CHN2: variants seen among roughly 807,000 people sequenced by gnomAD.
CHN2 encodes chimerin 2, also known as beta-chimaerin.
In CHN2, 35 loss-of-function variants were observed where a neutral mutation model predicts 56.3. The ratio of observed to expected loss-of-function variants is 0.62; its 90% confidence interval spans 0.47 to 0.82. The LOEUF (loss-of-function observed/expected upper bound fraction) is 0.82. CHN2 is among the 40% of genes least tolerant of loss of function. CHN2 has a pLI of 0.00. For synonymous variants in CHN2, 210 were observed against 212.8 expected (o/e 0.99, Z 0.12); for missense variants, 491 against 580.5 (o/e 0.85, Z 1.58).
At chr7:29,175,454 G>T (rs1353715701) in intron 2 of CHN2, among the ~76,000 whole-genome samples, 2 of 152,104 alleles carry the variant, frequency 1.3e-5, no homozygotes, top group Non-Finnish European at 2.9e-5. Flanking sequence ...GGGATTACAG[G>T]TATGAGCCAC....
intron 6 of CHN2, among the ~76,000 whole-genome samples, chr7:29,452,238 C>A (rs1784457567): frequency 1.3e-5 from 2 of 152,226 alleles, no homozygotes; most frequent in African/African-American, 4.8e-5. Flanking sequence ...TCTGGAGACA[C>A]AGCCTTCATT....
chr7:29,497,906 T>A (rs549959010), intron 8 of CHN2, among the ~76,000 whole-genome samples: 1 of 152,082 alleles, frequency 6.6e-6, no homozygotes, highest in African/African-American at 2.4e-5. Flanking sequence ...GATGGGTAGA[T>A]GGGGAGTTAT....
rs537708665 is a variant in CHN2 at position 29,260,373 on chromosome 7, C to T, written c.49+65383C>T. ...TTTTATAAAATTCTTTGTAAAGTAG[C>T]GTACATGTGATTAATTTTGTCATCT... On this transcript the variant is annotated intron_variant, in intron 1 of 12. Transcript: ENST00000222792. Among the ~76,000 whole-genome samples, 6 of 152,180 alleles carry T rather than the reference C, an allele frequency of 3.9e-5. No individual in the cohort carries two copies. The South Asian group carries it at 6.2e-4, about 16-fold the overall frequency.
chr7:29,328,231 T>G (rs757409961), intron 1 of CHN2, among the ~76,000 whole-genome samples: 8 of 152,208 alleles, frequency 5.3e-5, no homozygotes, highest in Non-Finnish European at 1.2e-4. Context: ...TTTATTTAAC[T>G]TAGGCAAACA....
intron 1 of CHN2, among the ~76,000 whole-genome samples, chr7:29,238,106 C>A (rs571019696): frequency 6.6e-6 from 1 of 150,750 alleles, no homozygotes; most frequent in South Asian, 2.1e-4. Context: ...CAACCTCCAC[C>A]TCCCGGGTTC....
intron 1 of CHN2, among the ~76,000 whole-genome samples, chr7:29,310,215 A>G (rs1263803092): frequency 6.6e-6 from 1 of 152,252 alleles, no homozygotes; most frequent in Non-Finnish European, 1.5e-5. Context: ...AAAAAACTGG[A>G]AACAACTTAT....
At chr7:29,293,042 C>T (rs1313250762) in intron 1 of CHN2, 1 of 455,978 alleles carries the variant, frequency 2.2e-6, no homozygotes, top group African/African-American at 2.0e-5. Flanking sequence ...TCCTCACCTG[C>T]CACATGCCCC....
At chr7:29,433,889 G>GGAAGGGAGGAAGGGAT (rs1195123283) in intron 6 of CHN2, among the ~76,000 whole-genome samples, 1 of 150,890 alleles carries the variant, frequency 6.6e-6, no homozygotes, top group Admixed American at 6.6e-5. Context: ...GAGGAAGGGA[G>GGAAGGGAGGAAGGGAT]GAAGGGATGA....
At chr7:29,494,765 T>C (rs1373105279) in intron 7 of CHN2, among the ~76,000 whole-genome samples, 4 of 152,068 alleles carry the variant, frequency 2.6e-5, no homozygotes, top group African/African-American at 9.7e-5. Context: ...CTTTTACTCA[T>C]TGGTTTCCTT....
Position 29,168,245 on chromosome 7 carries a change from A to G in CHN2, c.274+21285A>G, listed in dbSNP as rs531613718. 3.5e-4 allele frequency among the ~76,000 whole-genome samples: 54 copies of G among 152,134 alleles called. 1 individual carries two copies. Among genetic ancestry groups the G allele is most frequent in the Admixed American group, 3.2e-3 (49 of 15,288 alleles). On this transcript the variant is annotated intron_variant, in intron 2 of 6. Coordinates refer to the CHN2 transcript ENST00000439384. ...ATTTGTTTGTTTAAACCATCTTTCA[A>G]TGGGTTTCTTTGTCTTTCTCTTATT... is the stretch of plus-strand genomic sequence containing the variant.
At chr7:29,190,009 C>G (rs901230540), upstream of CHN2, among the ~76,000 whole-genome samples, 1 of 152,220 alleles carries the variant, frequency 6.6e-6, no homozygotes, top group Non-Finnish European at 1.5e-5. Flanking sequence ...CCGCTACCTG[C>G]GGCGTCTGAG....
chr7:29,495,811 C>T (rs1789206142), intron 7 of CHN2, 141 bp from the exon 8 acceptor site: 1 of 675,608 alleles, frequency 1.5e-6, no homozygotes. Flanking sequence ...TCTGTTTTCT[C>T]AGGATCTGTT....
chr7:29,402,724 G>A (rs1460299451), intron 6 of CHN2, among the ~76,000 whole-genome samples: 3 of 152,168 alleles, frequency 2.0e-5, no homozygotes, highest in Admixed American at 6.5e-5. Flanking sequence ...TGTTAGGGCC[G>A]ACTTGAGATC....
At chr7:29,370,972 A>G (rs1189835250) in intron 3 of CHN2, among the ~76,000 whole-genome samples, 2 of 152,212 alleles carry the variant, frequency 1.3e-5, no homozygotes, top group African/African-American at 2.4e-5. Flanking sequence ...CCTAACACAG[A>G]GCCAACCACT....
At chr7:29,508,429 A>AC (rs950764836) in intron 11 of CHN2, among the ~76,000 whole-genome samples, 5 of 151,872 alleles carry the variant, frequency 3.3e-5, no homozygotes, top group African/African-American at 1.2e-4. Flanking sequence ...AAAAAAAAAA[A>AC]AAAAACCTTT....
intron 2 of CHN2, among the ~76,000 whole-genome samples, chr7:29,157,701 C>G (rs1170519893): frequency 1.3e-5 from 2 of 152,208 alleles, no homozygotes; most frequent in Non-Finnish European, 2.9e-5. Context: ...TGAAAAGCCA[C>G]TCAATGACCT....
chr7:29,452,676 C>T (rs1784483916), intron 6 of CHN2, among the ~76,000 whole-genome samples: 1 of 152,234 alleles, frequency 6.6e-6, no homozygotes, highest in East Asian at 1.9e-4. Context: ...TCCCCATTCT[C>T]TGCAAGACTC....
chr7:29,263,193 T>C (rs1428723295), intron 1 of CHN2, among the ~76,000 whole-genome samples: 2 of 152,132 alleles, frequency 1.3e-5, no homozygotes, highest in Non-Finnish European at 2.9e-5. Flanking sequence ...CACGCCTGAC[T>C]GGTTTTCGTA....
chr7:29,386,809 A>G (rs1200592807), intron 3 of CHN2, among the ~76,000 whole-genome samples: 1 of 152,204 alleles, frequency 6.6e-6, no homozygotes, highest in African/African-American at 2.4e-5. Flanking sequence ...ATCCTAGGCA[A>G]ATTTTTCCGA....
Sources: allele counts gnomAD v4.1 joint callset (sites outside exome capture counted in the v4.1 genomes callset), GRCh38; gene constraint gnomAD v4.1.1; transcripts MANE v1.5; gene names NCBI Gene and HGNC (gene_info 2026-07-23, HGNC 2026-07-21).